FOXP2: variants seen among roughly 807,000 people sequenced by gnomAD.
FOXP2 encodes the protein forkhead box protein P2.
Under a neutral mutation model 115.8 loss-of-function variants are expected in FOXP2, and 12 were observed. The observed-to-expected ratio is 0.10, with a 90% CI of 0.07 to 0.17. The LOEUF is 0.17. Among genes scored for constraint, FOXP2 ranks in the 10% least tolerant of loss-of-function variants. The pLI, the probability that FOXP2 is intolerant of heterozygous loss-of-function variation, is 1.00. For synonymous variants in FOXP2, 328 were observed against 297.7 expected (o/e 1.10, Z -1.05); for missense variants, 629 against 843.5 (o/e 0.75, Z 3.15).
intron 2 of FOXP2, among the ~76,000 whole-genome samples, chr7:114,324,382 AG>A (rs1240273428): frequency 6.6e-6 from 1 of 151,918 alleles, no homozygotes; most frequent in Non-Finnish European, 1.5e-5. Context: ...CCTTTGAGCT[AG>A]CCTGTTTATT....
chr7:114,088,214 A>G (rs2129138446), intron 1 of FOXP2: 1 of 149,028 alleles, frequency 6.7e-6, no homozygotes, highest in African/African-American at 2.5e-5. Context: ...TTCCTGGAGT[A>G]CTCTTCGCTC....
At chr7:114,580,717 T>C (rs1801809095) in intron 3 of FOXP2, among the ~76,000 whole-genome samples, 1 of 152,164 alleles carries the variant, frequency 6.6e-6, no homozygotes, top group African/African-American at 2.4e-5. Context: ...TGGTTATCTG[T>C]ATTTGGCAGG....
At chr7:114,303,436 TTGAG>T (rs1233828528) in intron 2 of FOXP2, among the ~76,000 whole-genome samples, 4 of 152,200 alleles carry the variant, frequency 2.6e-5, no homozygotes, top group Non-Finnish European at 5.9e-5. Context: ...TTGAAAGTCA[TTGAG>T]TGATGTTAGT....
chr7:114,210,137 A>T (rs1794307398), intron 1 of FOXP2, among the ~76,000 whole-genome samples: 1 of 152,148 alleles, frequency 6.6e-6, no homozygotes, highest in Non-Finnish European at 1.5e-5. Context: ...CTGTCAATTC[A>T]TCCATCTTAG....
chr7:114,319,976 C>A (rs977828324), intron 2 of FOXP2, among the ~76,000 whole-genome samples: 3 of 152,130 alleles, frequency 2.0e-5, no homozygotes, highest in African/African-American at 7.2e-5. Context: ...GAAATCTACT[C>A]ATTGTTTCCA....
chr7:114,360,190 G>A (rs911851327), intron 2 of FOXP2, among the ~76,000 whole-genome samples: 1 of 152,052 alleles, frequency 6.6e-6, no homozygotes, highest in Non-Finnish European at 1.5e-5. Context: ...CTGCTCTCTT[G>A]TCTGCTGCCA....
At chr7:114,411,257 G>T (rs906536383), upstream of FOXP2, among the ~76,000 whole-genome samples, 2 of 152,030 alleles carry the variant, frequency 1.3e-5, no homozygotes, top group South Asian at 4.1e-4. Context: ...CTAATAGAAA[G>T]GAAATTGGGA....
intron 6 of FOXP2, among the ~76,000 whole-genome samples, chr7:114,636,660 G>A: frequency 1.3e-5 from 2 of 149,552 alleles, no homozygotes; most frequent in East Asian, 2.0e-4. Context: ...AAGCTGCCAA[G>A]GAGATTTTTT....
intron 1 of FOXP2, among the ~76,000 whole-genome samples, chr7:114,249,799 T>C (rs1795390440): frequency 6.6e-6 from 1 of 152,034 alleles, no homozygotes; most frequent in Non-Finnish European, 1.5e-5. Flanking sequence ...TTTTGTTTTT[T>C]TGTTTTTGTT....
At chr7:114,181,028 T>G (rs1793442324) in intron 1 of FOXP2, among the ~76,000 whole-genome samples, 1 of 151,934 alleles carries the variant, frequency 6.6e-6, no homozygotes, top group South Asian at 2.1e-4. Flanking sequence ...AAAGTTTGGA[T>G]TGTGCCTGTC....
intron 16 of FOXP2, among the ~76,000 whole-genome samples, chr7:114,688,918 C>T (rs952225426): frequency 2.0e-5 from 3 of 152,018 alleles, no homozygotes; most frequent in South Asian, 2.1e-4. Flanking sequence ...TGAGAGATTG[C>T]GGTTTCTATT....
At chr7:114,205,966 G>A (rs1794191909) in intron 1 of FOXP2, among the ~76,000 whole-genome samples, 1 of 152,188 alleles carries the variant, frequency 6.6e-6, no homozygotes, top group Non-Finnish European at 1.5e-5. Flanking sequence ...TTGGTGGCAT[G>A]CATATGTCAT....
intron 1 of FOXP2, among the ~76,000 whole-genome samples, chr7:114,423,403 CTT>C (rs1793702949): frequency 6.6e-6 from 1 of 151,580 alleles, no homozygotes; most frequent in African/African-American, 2.4e-5. Context: ...GGAAGGAAAA[CTT>C]AATGCAGGGG....
At chr7:114,181,880 C>A (rs757379929) in intron 1 of FOXP2, among the ~76,000 whole-genome samples, 4 of 151,910 alleles carry the variant, frequency 2.6e-5, no homozygotes, top group Non-Finnish European at 4.4e-5. Context: ...ACTTCTATGC[C>A]AGTTAAAGTT....
chr7:114,259,647 A>G (rs913531018), intron 1 of FOXP2, among the ~76,000 whole-genome samples: 1 of 152,222 alleles, frequency 6.6e-6, no homozygotes, highest in African/African-American at 2.4e-5. Context: ...GGATGGGAAC[A>G]TTCGAGCAGA....
intron 1 of FOXP2, among the ~76,000 whole-genome samples, chr7:114,226,686 T>C (rs1290704819): frequency 6.6e-6 from 1 of 152,156 alleles, no homozygotes; most frequent in East Asian, 1.9e-4. Flanking sequence ...GTTTCCCATT[T>C]TATTATCTCT....
intron 2 of FOXP2, among the ~76,000 whole-genome samples, chr7:114,469,113 A>T (rs941635603): frequency 2.0e-5 from 3 of 152,088 alleles, no homozygotes; most frequent in African/African-American, 7.2e-5. Flanking sequence ...CTTCTTGACC[A>T]CAGACTCAAA....
intron 16 of FOXP2, among the ~76,000 whole-genome samples, chr7:114,685,620 A>C (rs1260037167): frequency 6.6e-6 from 1 of 152,148 alleles, no homozygotes; most frequent in Non-Finnish European, 1.5e-5. Context: ...ATCTATACTG[A>C]GAATTGAGAG....
At chr7:114,520,801 G>C (rs1032669527) in intron 2 of FOXP2, among the ~76,000 whole-genome samples, 2 of 152,020 alleles carry the variant, frequency 1.3e-5, no homozygotes, top group African/African-American at 4.8e-5. Context: ...GAGTATGGTG[G>C]AATGGGCATT....
Sources: gnomAD v4.1 joint callset for allele counts (sites outside exome capture counted in the v4.1 genomes callset) on GRCh38, gnomAD v4.1.1 for gene constraint, MANE v1.5 for transcripts, NCBI Gene and HGNC (gene_info 2026-07-23, HGNC 2026-07-21) for gene names.